The following FHIT variants were observed in gnomAD, a reference collection of about 807,000 sequenced individuals.
FHIT encodes fragile histidine triad diadenosine triphosphatase.
FHIT carries 19 observed loss-of-function variants against 17.9 expected under a neutral mutation model. The ratio of observed to expected loss-of-function variants is 1.06; its 90% CI spans 0.74 to 1.56. FHIT has a LOEUF of 1.56. Ranked by LOEUF, FHIT falls within the 40% of genes most tolerant of loss-of-function variation. FHIT has a pLI of 0.00. For synonymous variants in FHIT, 81 were observed against 69.7 expected, an observed-to-expected ratio of 1.16 and a Z score of -0.81; for missense variants, 248 against 189.2, an observed-to-expected ratio of 1.31 and a Z score of -1.82.
At chr3:59,924,905 A>G (rs1159242909) in intron 7 of FHIT, among the ~76,000 whole-genome samples, 2 of 152,182 alleles carry the variant, frequency 1.3e-5, no homozygotes, top group African/African-American at 2.4e-5. Context: ...ACTGGCTTAC[A>G]ATATCCACCT....
chr3:60,982,892 C>G (rs1222039785), intron 3 of FHIT, among the ~76,000 whole-genome samples: 5 of 152,092 alleles, frequency 3.3e-5, no homozygotes, highest in Admixed American at 6.5e-5. Flanking sequence ...ATGAATCTTA[C>G]TAATCTCTCA....
chr3:61,179,708 A>G (rs13087353), intron 2 of FHIT, among the ~76,000 whole-genome samples: 1 of 65,332 alleles, frequency 1.5e-5, no homozygotes, highest in Non-Finnish European at 2.7e-5. Context: ...ACCCTATCTC[A>G]AAAAAAAAAA....
chr3:60,283,476 A>G (rs1707565103), intron 5 of FHIT, among the ~76,000 whole-genome samples: 1 of 152,142 alleles, frequency 6.6e-6, no homozygotes, highest in African/African-American at 2.4e-5. Context: ...GTATATTCAG[A>G]AAAACATGTA....
intron 5 of FHIT, among the ~76,000 whole-genome samples, chr3:60,507,249 G>C (rs1016663340): frequency 3.3e-5 from 5 of 152,048 alleles, no homozygotes; most frequent in African/African-American, 4.8e-5. Flanking sequence ...AAACATTCCA[G>C]TCAAGAGAGA....
chr3:59,809,955 G>T (rs1700349742), intron 8 of FHIT, among the ~76,000 whole-genome samples: 1 of 152,142 alleles, frequency 6.6e-6, no homozygotes, highest in South Asian at 2.1e-4. Flanking sequence ...CATTATATGG[G>T]ATCCCTCTGG....
At chr3:60,558,946 A>G (rs1314964077) in intron 4 of FHIT, among the ~76,000 whole-genome samples, 1 of 152,184 alleles carries the variant, frequency 6.6e-6, no homozygotes, top group Non-Finnish European at 1.5e-5. Flanking sequence ...TGTATCTTCC[A>G]GAATCTTGAC....
intron 5 of FHIT, among the ~76,000 whole-genome samples, chr3:60,428,900 T>A (rs1018988516): frequency 7.9e-5 from 12 of 152,110 alleles, no homozygotes; most frequent in Non-Finnish European, 1.5e-4. Flanking sequence ...GGGATTCTTT[T>A]GAACAAAGGG....
intron 3 of FHIT, among the ~76,000 whole-genome samples, chr3:60,846,066 T>G (rs1250690546): frequency 1.3e-5 from 2 of 152,208 alleles, no homozygotes; most frequent in Non-Finnish European, 2.9e-5. Context: ...ATAGATAGAT[T>G]GCCCAGAAAA....
chr3:61,226,529 G>A (rs1029896750), intron 1 of FHIT, among the ~76,000 whole-genome samples: 1 of 152,020 alleles, frequency 6.6e-6, no homozygotes, highest in African/African-American at 2.4e-5. Flanking sequence ...TGTTCCGCCT[G>A]TCAGCCTCCG....
At chr3:59,880,081 A>G (rs1703345278) in intron 8 of FHIT, among the ~76,000 whole-genome samples, 1 of 152,210 alleles carries the variant, frequency 6.6e-6, no homozygotes, top group Non-Finnish European at 1.5e-5. Context: ...AGGGACAAAG[A>G]AGCATGGCAT....
intron 4 of FHIT, among the ~76,000 whole-genome samples, chr3:60,802,713 G>C (rs1363708110): frequency 6.6e-6 from 1 of 151,880 alleles, no homozygotes; most frequent in East Asian, 1.9e-4. Context: ...TCATTTATTA[G>C]TAAACCTAAT....
intron 4 of FHIT, among the ~76,000 whole-genome samples, chr3:60,568,905 C>A (rs190823157): frequency 7.8e-4 from 118 of 151,960 alleles, no homozygotes; most frequent in African/African-American, 2.6e-3. Context: ...AGTCACCATA[C>A]CATTTTGGGG....
intron 2 of FHIT, among the ~76,000 whole-genome samples, chr3:61,160,617 T>C (rs2037660759): frequency 6.6e-6 from 1 of 152,038 alleles, no homozygotes; most frequent in Non-Finnish European, 1.5e-5. Flanking sequence ...ATGGTAGTCA[T>C]GTCCTCTCAT....
intron 4 of FHIT, among the ~76,000 whole-genome samples, chr3:60,631,780 C>T (rs1027451123): frequency 6.6e-6 from 1 of 152,182 alleles, no homozygotes; most frequent in Non-Finnish European, 1.5e-5. Context: ...CCGTGCCTTT[C>T]CTCTAGAACC....
At chr3:60,946,221 G>C (rs1437481141) in intron 3 of FHIT, among the ~76,000 whole-genome samples, 3 of 152,204 alleles carry the variant, frequency 2.0e-5, no homozygotes, top group Non-Finnish European at 2.9e-5. Context: ...AATGTCACCT[G>C]AGGCAGCAGC....
At chr3:61,227,470 A>G (rs1405273701) in intron 1 of FHIT, among the ~76,000 whole-genome samples, 1 of 152,176 alleles carries the variant, frequency 6.6e-6, no homozygotes, top group East Asian at 1.9e-4. Context: ...ATTTTTAAAA[A>G]TATGTTTTGA....
At chr3:61,247,198 C>T (rs1175192575) in intron 1 of FHIT, among the ~76,000 whole-genome samples, 2 of 152,136 alleles carry the variant, frequency 1.3e-5, no homozygotes, top group Non-Finnish European at 2.9e-5. Flanking sequence ...AGGGCCTCCG[C>T]TGTTTCCTTT....
chr3:60,525,865 G>T (rs2035553754), intron 5 of FHIT, among the ~76,000 whole-genome samples: 1 of 152,106 alleles, frequency 6.6e-6, no homozygotes, highest in Admixed American at 6.5e-5. Flanking sequence ...CCAGCACTTT[G>T]GGAGGCTGAG....
chr3:60,179,749 C>T (rs1701840807), intron 5 of FHIT, among the ~76,000 whole-genome samples: 1 of 152,068 alleles, frequency 6.6e-6, no homozygotes, highest in Non-Finnish European at 1.5e-5. Flanking sequence ...GGCATCTGGC[C>T]CCAGCTAGAA....
Sources: allele counts gnomAD v4.1 joint callset (sites outside exome capture counted in the v4.1 genomes callset), GRCh38; gene constraint gnomAD v4.1.1; transcripts MANE v1.5; gene names NCBI Gene and HGNC (gene_info 2026-07-23, HGNC 2026-07-21).